Variants in GRIK2 observed in about 807,000 individuals in gnomAD.
GRIK2 encodes glutamate receptor ionotropic, kainate 2.
Under a neutral mutation model 100.3 loss-of-function variants are expected in GRIK2, and 32 were observed. The ratio of observed to expected loss-of-function variants is 0.32; its 90% CI spans 0.24 to 0.43. The LOEUF (loss-of-function observed/expected upper bound fraction) is 0.43. Ranked by LOEUF, GRIK2 falls within the 20% of genes least tolerant of loss-of-function variation. The pLI is 1.00. For missense variants in GRIK2, 843 were observed against 1,114.9 expected, an observed-to-expected ratio of 0.76 and a Z score of 3.47; for synonymous variants, 417 against 389.4, an observed-to-expected ratio of 1.07 and a Z score of -0.83.
At chr6:101,716,711 G>A (rs1217692423) in intron 7 of GRIK2, among the ~76,000 whole-genome samples, 1 of 151,650 alleles carries the variant, frequency 6.6e-6, no homozygotes, top group East Asian at 2.0e-4. Flanking sequence ...TAACAAACCT[G>A]CATGTTGTGC....
At chr6:101,784,117 G>A (rs1779275556) in intron 7 of GRIK2, among the ~76,000 whole-genome samples, 1 of 152,284 alleles carries the variant, frequency 6.6e-6, no homozygotes, top group Non-Finnish European at 1.5e-5. Flanking sequence ...CCAAGAAAAT[G>A]GGGAAAATGT....
At chr6:101,682,237 A>G (rs1771326755) in intron 5 of GRIK2, among the ~76,000 whole-genome samples, 2 of 152,186 alleles carry the variant, frequency 1.3e-5, no homozygotes, top group Admixed American at 6.5e-5. Flanking sequence ...AGACGTTACG[A>G]ATGTAACAAA....
chr6:101,699,048 A>G (rs1772693303), intron 7 of GRIK2, among the ~76,000 whole-genome samples: 1 of 152,080 alleles, frequency 6.6e-6, no homozygotes, highest in Non-Finnish European at 1.5e-5. Flanking sequence ...GGTTGATGGA[A>G]CCACAGGTTT....
At chr6:101,599,592 A>G (rs1299246482) in intron 2 of GRIK2, among the ~76,000 whole-genome samples, 2 of 151,702 alleles carry the variant, frequency 1.3e-5, no homozygotes, top group African/African-American at 2.4e-5. Context: ...CTTTTTTATA[A>G]TAGCCATTCT....
At chr6:101,730,541 C>T (rs1775189245) in intron 7 of GRIK2, among the ~76,000 whole-genome samples, 1 of 151,830 alleles carries the variant, frequency 6.6e-6, no homozygotes, top group South Asian at 2.1e-4. Flanking sequence ...CTATTTATTG[C>T]CCAATGGAAA....
intron 10 of GRIK2, among the ~76,000 whole-genome samples, chr6:101,828,989 TG>T (rs1782508043): frequency 6.6e-6 from 1 of 152,008 alleles, no homozygotes; most frequent in Admixed American, 6.6e-5. Context: ...ATATTCTTGA[TG>T]AACATAGACA....
chr6:101,444,623 A>G (rs903904542), intron 2 of GRIK2, among the ~76,000 whole-genome samples: 1 of 152,022 alleles, frequency 6.6e-6, no homozygotes, highest in African/African-American at 2.4e-5. Context: ...GGAGTATACT[A>G]TTTGTTTATT....
At chr6:102,066,152 T>C (rs1347712667) in intron 16 of GRIK2, among the ~76,000 whole-genome samples, 1 of 151,550 alleles carries the variant, frequency 6.6e-6, no homozygotes. Context: ...AATTTAATGT[T>C]ATTAAACAAA....
At chr6:101,475,496 G>T (rs1223052106) in intron 2 of GRIK2, among the ~76,000 whole-genome samples, 1 of 151,944 alleles carries the variant, frequency 6.6e-6, no homozygotes, top group Non-Finnish European at 1.5e-5. Flanking sequence ...TCAAATTTAA[G>T]AAATGTATCA....
chr6:101,543,490 A>T (rs760421444), intron 2 of GRIK2, among the ~76,000 whole-genome samples: 5 of 152,334 alleles, frequency 3.3e-5, no homozygotes, highest in Admixed American at 2.0e-4. Flanking sequence ...TCACAAAAAC[A>T]TAAAGAATAT....
At chr6:101,470,997 T>C (rs1359112546) in intron 2 of GRIK2, among the ~76,000 whole-genome samples, 2 of 152,192 alleles carry the variant, frequency 1.3e-5, no homozygotes, top group African/African-American at 4.8e-5. Context: ...ATATAAATAT[T>C]CTTACCTTTT....
chr6:101,920,832 C>A (rs923677821), intron 12 of GRIK2, among the ~76,000 whole-genome samples: 3 of 149,952 alleles, frequency 2.0e-5, no homozygotes, highest in Non-Finnish European at 4.4e-5. Flanking sequence ...ATCTTGAATT[C>A]CATGTTTAAA....
intron 2 of GRIK2, among the ~76,000 whole-genome samples, chr6:101,486,017 T>C (rs923533127): frequency 6.6e-6 from 1 of 152,010 alleles, no homozygotes; most frequent in Non-Finnish European, 1.5e-5. Flanking sequence ...GTTATGCTGT[T>C]TTATAATTAC....
At chr6:101,974,426 G>A (rs545337892) in intron 14 of GRIK2, among the ~76,000 whole-genome samples, 51 of 151,904 alleles carry the variant, frequency 3.4e-4, no homozygotes, top group African/African-American at 1.1e-3. Flanking sequence ...AAAAAGTGGC[G>A]GGTGCTATAG....
At chr6:101,891,906 C>A (rs1273299316) in intron 12 of GRIK2, among the ~76,000 whole-genome samples, 1 of 152,132 alleles carries the variant, frequency 6.6e-6, no homozygotes, top group East Asian at 1.9e-4. Flanking sequence ...GTGACAGACA[C>A]AGCCACTCTA....
At chr6:101,535,541 G>C (rs1410475494) in intron 2 of GRIK2, among the ~76,000 whole-genome samples, 1 of 151,526 alleles carries the variant, frequency 6.6e-6, no homozygotes, top group Non-Finnish European at 1.5e-5. Flanking sequence ...TAATTAAAGT[G>C]GTAATCAAAC....
chr6:101,842,650 T>G (rs1562432121), intron 10 of GRIK2, among the ~76,000 whole-genome samples: 1 of 152,160 alleles, frequency 6.6e-6, no homozygotes, highest in Non-Finnish European at 1.5e-5. Context: ...CAGCTGAAAG[T>G]TAAACTCACT....
At chr6:101,838,273 G>C (rs758985675) in intron 10 of GRIK2, among the ~76,000 whole-genome samples, 1 of 152,108 alleles carries the variant, frequency 6.6e-6, no homozygotes. Flanking sequence ...TCCATGTCAT[G>C]TAAAACTTGT....
chr6:101,535,742 C>T (rs1056916047), intron 2 of GRIK2, among the ~76,000 whole-genome samples: 1 of 151,580 alleles, frequency 6.6e-6, no homozygotes, highest in Admixed American at 6.6e-5. Context: ...AATTCACTTG[C>T]TGTGATTTTT....
Sources: allele counts gnomAD v4.1 joint callset (sites outside exome capture counted in the v4.1 genomes callset), GRCh38; gene constraint gnomAD v4.1.1; transcripts MANE v1.5; gene names NCBI Gene and HGNC (gene_info 2026-07-23, HGNC 2026-07-21).